PPARGC1A: variants seen among roughly 807,000 people sequenced by gnomAD.
PPARGC1A encodes the protein peroxisome proliferator-activated receptor gamma coactivator 1-alpha.
A neutral mutation model predicts 88.7 loss-of-function variants in PPARGC1A; 25 were observed. The observed-to-expected ratio is 0.28, with a 90% CI of 0.21 to 0.39. PPARGC1A has a LOEUF of 0.39. Ranked by LOEUF, PPARGC1A falls within the 10% of genes least tolerant of loss-of-function variation. The probability of loss-of-function intolerance (pLI) is 1.00; values close to 1 mark genes in which losing one functional copy is unlikely to be tolerated. For synonymous variants in PPARGC1A, 363 were observed against 355.6 expected (o/e 1.02, Z -0.24); for missense variants, 880 against 968.7 (o/e 0.91, Z 1.22).
chr4:24,464,667 C>T, the PPARGC1A span, among the ~76,000 whole-genome samples: 1 of 152,182 alleles, frequency 6.6e-6, no homozygotes, highest in Non-Finnish European at 1.5e-5. Flanking sequence ...ACCTGCAGCT[C>T]TCTATTTGAA....
chr4:23,889,391 G>A, intron 1 of PPARGC1A: 2 of 982,898 alleles, frequency 2.0e-6, no homozygotes, highest in Non-Finnish European at 2.4e-6. Flanking sequence ...ATCTAAAATA[G>A]CCCAGCAGGA....
chr4:23,846,691 T>A (rs1335186130), intron 2 of PPARGC1A, among the ~76,000 whole-genome samples: 1 of 152,082 alleles, frequency 6.6e-6, no homozygotes, highest in South Asian at 2.1e-4. Flanking sequence ...CTCTTGACAC[T>A]GGGGATATAG....
chr4:24,430,045 G>A, the PPARGC1A span, among the ~76,000 whole-genome samples: 2 of 152,038 alleles, frequency 1.3e-5, no homozygotes, highest in South Asian at 2.1e-4. Context: ...AGATTGAGGT[G>A]GAACTGGAAA....
At chr4:23,994,217 T>A in the PPARGC1A span, among the ~76,000 whole-genome samples, 2 of 152,184 alleles carry the variant, frequency 1.3e-5, no homozygotes, top group African/African-American at 4.8e-5. Flanking sequence ...TCTATGTAAT[T>A]CCTGTGTTGT....
chr4:24,424,147 C>T, the PPARGC1A span, among the ~76,000 whole-genome samples: 1 of 150,258 alleles, frequency 6.7e-6, no homozygotes, highest in Non-Finnish European at 1.5e-5. Context: ...TCACCCTTTA[C>T]ACTTCTAGAG....
At chr4:24,138,091 C>A in the PPARGC1A span, among the ~76,000 whole-genome samples, 1 of 152,204 alleles carries the variant, frequency 6.6e-6, no homozygotes, top group Admixed American at 6.5e-5. Context: ...GAGCATATAA[C>A]TGCCCACACC....
chr4:24,087,213 G>C, the PPARGC1A span, among the ~76,000 whole-genome samples: 2 of 152,102 alleles, frequency 1.3e-5, no homozygotes, highest in African/African-American at 4.8e-5. Flanking sequence ...CTGGAACTTG[G>C]GCCAATCTCT....
At chr4:24,056,187 C>T in the PPARGC1A span, among the ~76,000 whole-genome samples, 4 of 152,110 alleles carry the variant, frequency 2.6e-5, no homozygotes, top group Admixed American at 1.3e-4. Flanking sequence ...GAATGAAATG[C>T]GTAAGTTTAT....
the PPARGC1A span, among the ~76,000 whole-genome samples, chr4:24,416,210 T>C: frequency 6.6e-6 from 1 of 152,322 alleles, no homozygotes; most frequent in Admixed American, 6.5e-5. Context: ...AAGCACAATG[T>C]CTTATGCTAG....
chr4:23,948,622 G>A, the PPARGC1A span, among the ~76,000 whole-genome samples: 7 of 152,128 alleles, frequency 4.6e-5, no homozygotes, highest in Non-Finnish European at 8.8e-5. Flanking sequence ...TTTGCAGAGC[G>A]AGCTCATTGT....
the PPARGC1A span, among the ~76,000 whole-genome samples, chr4:24,269,683 A>ATCATCAT: frequency 7.1e-6 from 1 of 141,660 alleles, no homozygotes; most frequent in South Asian, 2.4e-4. Context: ...CATCATCATC[A>ATCATCAT]CACAAAAAAA....
At chr4:24,262,243 C>T in the PPARGC1A span, among the ~76,000 whole-genome samples, 3 of 152,158 alleles carry the variant, frequency 2.0e-5, no homozygotes, top group Non-Finnish European at 4.4e-5. Context: ...CCTCAGAAAA[C>T]ATTTTGGCAG....
the PPARGC1A span, among the ~76,000 whole-genome samples, chr4:24,153,432 G>T: frequency 6.6e-6 from 1 of 152,052 alleles, no homozygotes; most frequent in African/African-American, 2.4e-5. Flanking sequence ...ATTAAATAGT[G>T]TAGATTGGTG....
At chr4:24,270,586 A>G in the PPARGC1A span, among the ~76,000 whole-genome samples, 1 of 152,308 alleles carries the variant, frequency 6.6e-6, no homozygotes, top group South Asian at 2.1e-4. Context: ...TATTCACTAC[A>G]TAGAAAAAAA....
At chr4:23,822,765 CTT>C (rs775406987) in intron 7 of PPARGC1A, among the ~76,000 whole-genome samples, 14 of 152,088 alleles carry the variant, frequency 9.2e-5, no homozygotes, top group Non-Finnish European at 1.8e-4. Flanking sequence ...AGGTTCCAAA[CTT>C]TACCTTCTAG....
chr4:24,387,838 A>G, the PPARGC1A span, among the ~76,000 whole-genome samples: 712 of 72,396 alleles, frequency 9.8e-3, 25 homozygotes, highest in Middle Eastern at 0.021. Context: ...GAAAGAGAGA[A>G]AGAGAGAGAG....
chr4:23,932,257 C>G, the PPARGC1A span, among the ~76,000 whole-genome samples: 3 of 152,142 alleles, frequency 2.0e-5, no homozygotes, highest in Non-Finnish European at 4.4e-5. Context: ...AGACAGAGAA[C>G]AAGAGAATGC....
chr4:24,133,591 C>A, the PPARGC1A span, among the ~76,000 whole-genome samples: 2 of 152,106 alleles, frequency 1.3e-5, no homozygotes, highest in Non-Finnish European at 2.9e-5. Context: ...GAAAATACAA[C>A]CATTTGGGGA....
At chr4:23,866,444 C>G (rs144797949) in intron 2 of PPARGC1A, among the ~76,000 whole-genome samples, 1 of 152,166 alleles carries the variant, frequency 6.6e-6, no homozygotes. Flanking sequence ...ATTTTGGTCT[C>G]TGACAGGCAA....
Sources: allele counts gnomAD v4.1 joint callset (sites outside exome capture counted in the v4.1 genomes callset), GRCh38; gene constraint gnomAD v4.1.1; transcripts MANE v1.5; gene names NCBI Gene and HGNC (gene_info 2026-07-23, HGNC 2026-07-21).